The following CHDH variants were observed in gnomAD, a reference collection of about 807,000 sequenced individuals.
The protein encoded by CHDH is choline dehydrogenase, also known as choline dehydrogenase, mitochondrial.
A neutral mutation model predicts 56.9 loss-of-function variants in CHDH; 43 were observed. The observed-to-expected ratio is 0.76, with a 90% CI of 0.59 to 0.97. The LOEUF (loss-of-function observed/expected upper bound fraction) is 0.97. Among genes scored for constraint, CHDH ranks in the 50% least tolerant of loss-of-function variants. CHDH has a pLI of 0.00. For synonymous variants in CHDH, 364 were observed against 348.5 expected, an observed-to-expected ratio of 1.04 and a Z score of -0.50; for missense variants, 816 against 821.1, an observed-to-expected ratio of 0.99 and a Z score of 0.08.
rs1200404603 is a variant in CHDH at position 53,846,289 on chromosome 3, C to T, written c.-337G>A. The T allele has an allele frequency of 2.9e-6, 1 of 345,954 alleles. No homozygotes were observed. Among genetic ancestry groups the T allele is most frequent in the Non-Finnish European group, 5.2e-6 (1 of 193,170 alleles). The allele number at this position is 345,954 out of a possible 1,614,324, so 21.4% of individuals were successfully genotyped here. Reference sequence around the variant, plus strand: ...GGGCTCCAGCGGAGGCGCGCGAAGCCCGAGGGCGGGTGCAGCTGATGCACC... The same window carrying T: ...GGGCTCCAGCGGAGGCGCGCGAAGCTCGAGGGCGGGTGCAGCTGATGCACC... On this transcript the variant is annotated 5_prime_UTR_variant, in exon 1 of 9. Transcript: ENST00000315251.
At chr3:53,827,375 C>G (rs540318002) in intron 2 of CHDH, among the ~76,000 whole-genome samples, 118 of 152,264 alleles carry the variant, frequency 7.7e-4, no homozygotes, top group African/African-American at 2.6e-3. Context: ...AGCCATGTTT[C>G]CTGTAAAGCC....
rs2095611648 is a variant in CHDH, at chr3:53,814,163, C to T, written c.*3614G>A. On this transcript the variant is annotated 3_prime_UTR_variant, in exon 9 of 9. Transcript: ENST00000315251. Reference sequence around the variant, plus strand: ...GGCACCACTTGCTTTCCTGCTGACCCTGCTATGAGAAAAACTGGAGCAGTT... The same window carrying T: ...GGCACCACTTGCTTTCCTGCTGACCTTGCTATGAGAAAAACTGGAGCAGTT... 6.6e-6 allele frequency: 1 copy of T among 152,236 alleles called. No homozygotes were observed. The highest frequency in any genetic ancestry group is 6.5e-5 in the Admixed American group (1 of 15,286). The allele number at this position is 152,236 out of a possible 1,614,324, so 9.4% of individuals were successfully genotyped here.
At chr3:53,822,272 CAG>C (rs770815037) in intron 4 of CHDH, among the ~76,000 whole-genome samples, 22 of 151,974 alleles carry the variant, frequency 1.4e-4, no homozygotes, top group Non-Finnish European at 2.9e-4. Flanking sequence ...GCATGGCACA[CAG>C]GGGCACTGAC....
intron 2 of CHDH, among the ~76,000 whole-genome samples, chr3:53,840,641 A>T (rs1464596696): frequency 1.3e-5 from 2 of 152,238 alleles, no homozygotes; most frequent in Non-Finnish European, 2.9e-5. Flanking sequence ...AGAACACAAA[A>T]TTCCCATCTC....
At chr3:53,826,156 T>C (rs760987382) in intron 2 of CHDH, among the ~76,000 whole-genome samples, 1 of 152,140 alleles carries the variant, frequency 6.6e-6, no homozygotes, top group Non-Finnish European at 1.5e-5. Flanking sequence ...AGCACCAAGC[T>C]TGACTAAGCT....
intron 2 of CHDH, among the ~76,000 whole-genome samples, 155 bp downstream of exon 2, chr3:53,840,774 G>A (rs993745765): frequency 1.3e-5 from 2 of 152,216 alleles, no homozygotes; most frequent in African/African-American, 4.8e-5. Flanking sequence ...GCAGAAAGGT[G>A]GGAACATCTC....
chr3:53,826,050 A>T lies in CHDH; in HGVS notation c.-59-1983T>A, dbSNP rs543279752. 1.4e-4 allele frequency among the ~76,000 whole-genome samples: 22 copies of T among 152,272 alleles called. No homozygotes were observed. In the East Asian group the frequency reaches 3.7e-3, roughly 25 times the overall value. On this transcript the variant is annotated intron_variant, in intron 2 of 8. Coordinates refer to ENST00000315251, the MANE Select transcript of CHDH (RefSeq NM_018397.5). Reference sequence around the variant, plus strand: ...ATGAAATGGACTAATTCCTTGAAAGATACAAGCTGCCAAAACTCACACAAG... The same window carrying T: ...ATGAAATGGACTAATTCCTTGAAAGTTACAAGCTGCCAAAACTCACACAAG...
chr3:53,822,637 G>T lies in CHDH; in HGVS notation c.709C>A (p.Arg237=). The part of the protein sequence containing the change: ...WMDMTIHEGK[R]WSAACAYLHP... ...AGGTAGGCACAGGCCGCGCTCCACC[G>T]TTTGCCTGCAGGATGGAGTGAGGTG... The change falls in exon 4 of 9, where the codon CGG becomes AGG. Residue 237 remains arginine, a synonymous_variant. Coordinates refer to ENST00000315251, the MANE Select transcript of CHDH (RefSeq NM_018397.5). The T allele has an allele frequency of 6.2e-7, 1 of 1,607,680 alleles. No individual in the cohort carries two copies. The highest frequency in any genetic ancestry group is 8.5e-7 in the Non-Finnish European group (1 of 1,178,958).
Position 53,823,669 on chromosome 3 carries a change from C to A in CHDH, c.340G>T (p.Gly114Cys), listed in dbSNP as rs1362797806. ...NWCYHTEVQRGLDGRVLYWPR... is the reference protein window; with the variant it reads ...NWCYHTEVQRCLDGRVLYWPR... ...CAGTACAGCACGCGGCCGTCCAGGCCCCGCTGCACCTCTGTGTGGTAGCAC... is the reference window on the plus strand; with the variant it reads ...CAGTACAGCACGCGGCCGTCCAGGCACCGCTGCACCTCTGTGTGGTAGCAC... Residue 114 changes from glycine to cysteine, a missense_variant, in exon 3 of 9, where the codon GGC becomes TGC. Gly to Cys is a radical substitution (Grantham distance 159). Transcript: ENST00000315251. 6.5e-6 allele frequency: 10 copies of A among 1,546,572 alleles called. No homozygotes were observed. The highest frequency in any genetic ancestry group is 5.5e-5 in the African/African-American group (4 of 72,962).
intron 1 of CHDH, among the ~76,000 whole-genome samples, chr3:53,842,513 A>T (rs1698704822): frequency 1.3e-5 from 2 of 152,044 alleles, no homozygotes; most frequent in Non-Finnish European, 2.9e-5. Context: ...TTTCTTTGAG[A>T]CCCCAGTGTG....
Position 53,814,445 on chromosome 3 carries a change from TGAG to T in CHDH, c.*3329_*3331del, listed in dbSNP as rs1273437422. On this transcript the variant is annotated 3_prime_UTR_variant, in exon 9 of 9. Coordinates refer to ENST00000315251, the MANE Select transcript of CHDH (RefSeq NM_018397.5). ...TGGGGACTAGGAGGGCAGGAGACAATGAGGAGCAGGCCTGGGCCCTGGTTCCAA... is the reference window on the plus strand; with the variant it reads ...TGGGGACTAGGAGGGCAGGAGACAATGAGCAGGCCTGGGCCCTGGTTCCAA... 4.6e-5 allele frequency: 7 copies of T among 152,236 alleles called. No individual in the cohort carries two copies. In the East Asian group the frequency reaches 1.2e-3, roughly 25 times the overall value. 9.4% of individuals were successfully genotyped at this position (152,236 alleles called of 1,614,324 possible). A position where few individuals can be genotyped will look rare whatever the true frequency, so the allele number is the denominator to read the frequency against.
In CHDH at chr3:53,846,412, C is replaced by A. The variant is rs986749339; in HGVS notation, c.-460G>T. On this transcript the variant is annotated 5_prime_UTR_variant, in exon 1 of 9. Transcript: ENST00000315251. ...CACGGCCCATCCCTCCGAGCCCCAG[C>A]AGGCGAGGGCGCTGCGACCTGCCCC... is the stretch of plus-strand genomic sequence containing the variant. 2 of 590,604 alleles carry A rather than the reference C, an allele frequency of 3.4e-6. No homozygotes were observed. The highest frequency in any genetic ancestry group is 5.5e-6 in the Non-Finnish European group (2 of 363,182). The allele number at this position is 590,604 out of a possible 1,614,324, so 36.6% of individuals were successfully genotyped here.
chr3:53,834,115 C>T (rs1157057122), intron 2 of CHDH, among the ~76,000 whole-genome samples: 1 of 152,198 alleles, frequency 6.6e-6, no homozygotes, highest in Non-Finnish European at 1.5e-5. Flanking sequence ...CCCTTTGTTG[C>T]ATCAGCTAAC....
At chr3:53,838,854 G>A (rs1001633855) in intron 2 of CHDH, among the ~76,000 whole-genome samples, 1 of 152,200 alleles carries the variant, frequency 6.6e-6, no homozygotes, top group East Asian at 1.9e-4. Context: ...GGCCTAGGGG[G>A]TAGTAGCTTC....
At position 53,817,995 on chromosome 3, in the gene CHDH, C is replaced by T. The variant is rs762533547; in HGVS notation, c.1567G>A (p.Asp523Asn). ...TGCGGATCCACCACGGCAGTGGGAT[C>T]GGAGGGCTGGCCCATCTTACAGGTG... The part of the protein sequence containing the change: ...SCTCKMGQPS[D>N]PTAVVDPQTR... Residue 523 changes from aspartate to asparagine, a missense_variant, in exon 9 of 9, where the codon GAT becomes AAT. By Grantham distance (23) the Asp-to-Asn change is conservative. Transcript: ENST00000315251. 34 of 1,614,062 alleles carry T rather than the reference C, an allele frequency of 2.1e-5. No individual in the cohort carries two copies. The Admixed American group carries it at 5.2e-4, about 25-fold the overall frequency.
chr3:53,818,703 A>C (rs2095620313), intron 8 of CHDH, among the ~76,000 whole-genome samples: 1 of 152,222 alleles, frequency 6.6e-6, no homozygotes, highest in African/African-American at 2.4e-5. Flanking sequence ...GATTGTTCTG[A>C]AAGCTGAAAA....
At chr3:53,844,997 AC>A (rs1463805245) in intron 1 of CHDH, among the ~76,000 whole-genome samples, 2 of 152,212 alleles carry the variant, frequency 1.3e-5, no homozygotes, top group African/African-American at 4.8e-5. Context: ...ATCAGCCAGC[AC>A]CCATGTGTGG....
intron 5 of CHDH, 135 bp downstream of exon 5, chr3:53,821,512 C>T (rs778892445): frequency 2.6e-6 from 2 of 763,600 alleles, no homozygotes; most frequent in South Asian, 2.0e-5. Flanking sequence ...AACCTTCGGG[C>T]TCTCGGGGAC....
intron 2 of CHDH, among the ~76,000 whole-genome samples, chr3:53,834,069 C>A (rs1337884186): frequency 1.3e-5 from 2 of 152,192 alleles, no homozygotes; most frequent in Non-Finnish European, 2.9e-5. Context: ...GCCACCACGT[C>A]CTACTGGTTA....
Sources: allele counts gnomAD v4.1 joint callset (sites outside exome capture counted in the v4.1 genomes callset), GRCh38; gene constraint gnomAD v4.1.1; transcripts MANE v1.5; gene names NCBI Gene and HGNC (gene_info 2026-07-23, HGNC 2026-07-21).